Variants in AFF2 observed in about 807,000 individuals in gnomAD.
The protein encoded by AFF2 is AF4/FMR2 family member 2.
Under a neutral mutation model 76.9 loss-of-function variants are expected in AFF2, and 14 were observed. The observed-to-expected ratio is 0.18, with a 90% CI of 0.12 to 0.28. The LOEUF is 0.28. AFF2 is among the 10% of genes least tolerant of loss of function. The pLI is 1.00. For missense variants in AFF2, 868 were observed against 1,001.1 expected, an observed-to-expected ratio of 0.87 and a Z score of 1.79; for synonymous variants, 398 against 366.7, an observed-to-expected ratio of 1.09 and a Z score of -0.98.
At chrX:148,837,879 A>G in intron 5 of AFF2, 146 bp downstream of exon 5, 2 of 425,498 alleles carry the variant, frequency 4.7e-6, no homozygotes, top group Non-Finnish European at 8.2e-6. Context: ...CAATATAAAA[A>G]TAATTTTTAT....
intron 3 of AFF2, among the ~76,000 whole-genome samples, chrX:148,742,117 A>C (rs1433192903): frequency 2.7e-5 from 3 of 111,748 alleles, no homozygotes; most frequent in Admixed American, 1.9e-4. Flanking sequence ...TAGCCTCTGC[A>C]TGCTGCTCTG....
chrX:148,713,210 A>G (rs2054989338), intron 3 of AFF2, among the ~76,000 whole-genome samples: 1 of 111,374 alleles, frequency 9.0e-6, no homozygotes, highest in Non-Finnish European at 1.9e-5. Context: ...GGTTGTTTCC[A>G]TTTTGGGTAG....
intron 3 of AFF2, among the ~76,000 whole-genome samples, chrX:148,751,025 G>T (rs2055492572): frequency 8.9e-6 from 1 of 112,116 alleles, no homozygotes; most frequent in Non-Finnish European, 1.9e-5. Context: ...ATTTAGAGTG[G>T]TTTATTTTCA....
At chrX:148,822,238 G>A (rs1260038596) in intron 4 of AFF2, 1 of 111,628 alleles carries the variant, frequency 9.0e-6, no homozygotes, top group Non-Finnish European at 1.9e-5. Flanking sequence ...ACTACCCTAT[G>A]TTCTCCTAGA....
At chrX:148,809,792 T>A (rs1427997046) in intron 3 of AFF2, 84 bp from the exon 4 acceptor site, 2 of 964,395 alleles carry the variant, frequency 2.1e-6, no homozygotes, top group African/African-American at 3.9e-5. Flanking sequence ...ATTTTCTTGC[T>A]TTACAGTTTG....
intron 9 of AFF2, among the ~76,000 whole-genome samples, chrX:148,950,762 C>A (rs781833492): frequency 8.9e-6 from 1 of 111,997 alleles, no homozygotes; most frequent in Non-Finnish European, 1.9e-5. Context: ...ATGTTTAAAA[C>A]AGTTTTAATT....
At chrX:148,931,755 G>A (rs1264760601) in intron 9 of AFF2, among the ~76,000 whole-genome samples, 1 of 111,684 alleles carries the variant, frequency 9.0e-6, no homozygotes, top group Non-Finnish European at 1.9e-5. Context: ...ATTTTGACTG[G>A]GTGAGTGCTG....
At chrX:148,629,799 C>G (rs1557252759) in intron 1 of AFF2, among the ~76,000 whole-genome samples, 1 of 111,410 alleles carries the variant, frequency 9.0e-6, no homozygotes, top group African/African-American at 3.3e-5. Flanking sequence ...GTATTTGAAC[C>G]CACAACTCTT....
chrX:148,920,629 T>TGC (rs782584052), intron 9 of AFF2, among the ~76,000 whole-genome samples: 7,431 of 26,733 alleles, frequency 0.28, 604 homozygotes, highest in African/African-American at 0.39. Context: ...TGCGTGTGTG[T>TGC]GCGCGTGTGT....
intron 9 of AFF2, among the ~76,000 whole-genome samples, chrX:148,904,786 A>T (rs1282504996): frequency 1.8e-5 from 2 of 112,186 alleles, no homozygotes; most frequent in Admixed American, 1.9e-4. Context: ...TTCCCAAGGC[A>T]TTTTATGAGA....
Position 148,652,032 on chromosome X carries a change from A to C in AFF2, c.81A>C (p.Lys27Asn). The stretch of plus-strand genomic sequence containing the variant: ...AACAAGACCGTAGTGCACTTAAAAA[A>C]AGGGAATGGGAGCGGAGGAATCAAG... The part of the protein sequence containing the change: ...HYEQDRSALK[K>N]REWERRNQEV... The change falls in exon 2 of 21, where the codon AAA becomes AAC. Residue 27 changes from lysine to asparagine, a missense_variant. This residue lies in a region of AFF2 where 196 missense variants were observed against 194.8 expected (regional missense o/e 1.01). Coordinates refer to ENST00000370460, the MANE Select transcript of AFF2 (RefSeq NM_002025.4). 8.3e-7 allele frequency: 1 copy of C among 1,205,258 alleles called. No homozygotes were observed. The highest frequency in any genetic ancestry group is 1.1e-6 in the Non-Finnish European group (1 of 890,577).
chrX:148,506,146 C>T (rs2052413843), intron 1 of AFF2, among the ~76,000 whole-genome samples: 1 of 111,506 alleles, frequency 9.0e-6, no homozygotes, highest in Non-Finnish European at 1.9e-5. Flanking sequence ...ACAGATGAAG[C>T]AATGAAATCA....
rs35222291 is a variant in AFF2, at chrX:148,911,075, T to TTATA, written c.1397+6833_1397+6836dup. On this transcript the variant is annotated intron_variant, in intron 9 of 20. Coordinates refer to ENST00000370460, the MANE Select transcript of AFF2 (RefSeq NM_002025.4). Reference sequence around the variant, plus strand: ...ATGTAGATTCATGCATGCACATAAATTATATATATATATATATATGTGTAT... The same window carrying TTATA: ...ATGTAGATTCATGCATGCACATAAATTATATATATATATATATATATATGTGTAT... Among the ~76,000 whole-genome samples the TTATA allele has an allele frequency of 5.8e-3, 602 of 104,312 alleles. 5 individuals carry two copies. Among genetic ancestry groups the TTATA allele is most frequent in the African/African-American group, 0.018 (513 of 28,403 alleles). The allele number at this position is 104,312 out of a possible 115,157, so 90.6% of individuals were successfully genotyped here.
At position 148,956,152 on chromosome X, in the gene AFF2, A is replaced by T; in HGVS notation, c.2107A>T (p.Ile703Phe). The T allele has an allele frequency of 8.3e-7, 1 of 1,210,854 alleles. No homozygotes were observed. The highest frequency in any genetic ancestry group is 1.1e-6 in the Non-Finnish European group (1 of 895,260). Residue 703 changes from isoleucine to phenylalanine, a missense_variant, in exon 11 of 21, where the codon ATT becomes TTT. Physicochemically the swap from Ile to Phe is conservative, Grantham distance 21. Transcript: ENST00000370460. ...EKKKYRGPGK[I>F]VPKSREFIET... ...GAAGAAGTACAGAGGGCCTGGCAAG[A>T]TTGTGCCAAAGTCTCGGGAATTCAT...
intron 1 of AFF2, among the ~76,000 whole-genome samples, chrX:148,612,494 G>T (rs1002481616): frequency 8.9e-6 from 1 of 112,034 alleles, no homozygotes; most frequent in Non-Finnish European, 1.9e-5. Context: ...AGAAATATAT[G>T]CAACCACGTT....
intron 1 of AFF2, among the ~76,000 whole-genome samples, chrX:148,609,217 A>G (rs2124399618): frequency 8.9e-6 from 1 of 111,767 alleles, no homozygotes; most frequent in East Asian, 2.8e-4. Flanking sequence ...TTATAAAGCA[A>G]ATGTTCCATG....
chrX:148,515,167 G>A (rs1370541103), intron 1 of AFF2, among the ~76,000 whole-genome samples: 1 of 111,508 alleles, frequency 9.0e-6, no homozygotes, highest in Non-Finnish European at 1.9e-5. Context: ...TTCCTCACTG[G>A]AAAAAAGGGA....
At chrX:148,649,319 G>A (rs2054180009) in intron 1 of AFF2, among the ~76,000 whole-genome samples, 1 of 112,037 alleles carries the variant, frequency 8.9e-6, no homozygotes, top group African/African-American at 3.3e-5. Flanking sequence ...GTTTCAGTCA[G>A]AAATCAGTGA....
chrX:148,874,024 CCTAT>C (rs1266058223), intron 7 of AFF2, among the ~76,000 whole-genome samples: 1 of 111,652 alleles, frequency 9.0e-6, no homozygotes, highest in African/African-American at 3.3e-5. Context: ...CAGCTAGTTA[CCTAT>C]CTATCAAGAA....
Sources: allele counts gnomAD v4.1 joint callset (sites outside exome capture counted in the v4.1 genomes callset), GRCh38; gene constraint gnomAD v4.1.1; regional missense constraint gnomAD v4.1.1; transcripts MANE v1.5; gene names NCBI Gene and HGNC (gene_info 2026-07-23, HGNC 2026-07-21).